Variants in CDC42BPB observed in about 807,000 individuals in gnomAD.
CDC42BPB encodes serine/threonine-protein kinase MRCK beta.
CDC42BPB carries 37 observed loss-of-function variants against 214.9 expected under a neutral mutation model. That is an observed-to-expected ratio of 0.17 (90% CI 0.13 to 0.23). CDC42BPB has a LOEUF of 0.23. Ranked by LOEUF, CDC42BPB falls within the 10% of genes least tolerant of loss-of-function variation. The probability of loss-of-function intolerance (pLI) is 1.00; values close to 1 mark genes in which losing one functional copy is unlikely to be tolerated. For synonymous variants in CDC42BPB, 931 were observed against 884.0 expected (o/e 1.05, Z -0.94); for missense variants, 1,694 against 2,227.0 (o/e 0.76, Z 4.82).
At chr14:103,030,979 CCT>C (rs1887337113) in intron 1 of CDC42BPB, among the ~76,000 whole-genome samples, 1 of 151,964 alleles carries the variant, frequency 6.6e-6, no homozygotes, top group Non-Finnish European at 1.5e-5. Context: ...ACGGTGGCAC[CCT>C]GTCTCTACAC....
At chr14:103,055,191 G>A (rs1168029674) in intron 1 of CDC42BPB, among the ~76,000 whole-genome samples, 3 of 152,244 alleles carry the variant, frequency 2.0e-5, no homozygotes, top group African/African-American at 7.2e-5. Context: ...GGGAGGCCGA[G>A]GCAGGTGGAT....
At position 103,057,298 on chromosome 14, in the gene CDC42BPB, C is replaced by A. The variant is rs560384191; in HGVS notation, c.-125G>T. 183 of 1,073,556 alleles carry A rather than the reference C, an allele frequency of 1.7e-4. 2 individuals carry two copies. The East Asian group carries it at 8.9e-3, about 52-fold the overall frequency. 66.5% of individuals were successfully genotyped at this position (1,073,556 alleles called of 1,614,324 possible). A position where few individuals can be genotyped will look rare whatever the true frequency, so the allele number is the denominator to read the frequency against. On this transcript the variant is annotated 5_prime_UTR_variant, in exon 1 of 37. Coordinates refer to ENST00000361246, the MANE Select transcript of CDC42BPB (RefSeq NM_006035.4). ...CAGCAGCGGCGCCTCCTCGCCGCCC[C>A]GTCCGCGTCGTCGCGCCCCGGCCTA...
At chr14:103,029,147 T>C (rs1887207277) in intron 1 of CDC42BPB, among the ~76,000 whole-genome samples, 1 of 152,262 alleles carries the variant, frequency 6.6e-6, no homozygotes, top group Non-Finnish European at 1.5e-5. Flanking sequence ...TTACCTTATT[T>C]AGACATTGAC....
At chr14:102,982,787 G>C (rs2139523462) in intron 7 of CDC42BPB, among the ~76,000 whole-genome samples, 1 of 151,980 alleles carries the variant, frequency 6.6e-6, no homozygotes, top group East Asian at 1.9e-4. Context: ...AGACAGGCAG[G>C]AGAATCGCTT....
In CDC42BPB at chr14:102,933,564, A is replaced by G. The variant is rs900497486; in HGVS notation, c.*148T>C. ...GAACAATGCGGCATAAAACTGATCA[A>G]TATTATAATAAAGATTTGTCTTCTT... On this transcript the variant is annotated 3_prime_UTR_variant, in exon 37 of 37. Transcript: ENST00000361246. The G allele has an allele frequency of 2.8e-5, 18 of 638,964 alleles. No homozygotes were observed. Among genetic ancestry groups the G allele is most frequent in the Admixed American group, 4.3e-5 (1 of 23,362 alleles). The allele number at this position is 638,964 out of a possible 1,614,324, so 39.6% of individuals were successfully genotyped here. A position where few individuals can be genotyped will look rare whatever the true frequency, so the allele number is the denominator to read the frequency against.
In CDC42BPB at chr14:102,933,760, C is replaced by T. The variant is rs1891502067; in HGVS notation, c.5088G>A (p.Arg1696=). 2.0e-6 allele frequency: 3 copies of T among 1,499,166 alleles called. No individual in the cohort carries two copies. The South Asian group carries it at 4.2e-5, about 21-fold the overall frequency. 92.9% of individuals were successfully genotyped at this position (1,499,166 alleles called of 1,614,324 possible). A position where few individuals can be genotyped will look rare whatever the true frequency, so the allele number is the denominator to read the frequency against. The change falls in exon 37 of 37, where the codon AGG becomes AGA. Residue 1696 remains arginine (R), a synonymous_variant. Transcript: ENST00000361246. ...CCAGGCCTTCGAGGGGGAGCTGGCT[C>T]CTGTGGGGGGAGTTGGGGCTCGGTG... The part of the protein sequence containing the change: ...SGPPSPNSPH[R]SQLPLEGLEQ...
chr14:103,001,431 G>A lies in CDC42BPB; in HGVS notation c.448-1718C>T, dbSNP rs1003553189. On this transcript the variant is annotated intron_variant, in intron 4 of 36. Coordinates refer to ENST00000361246, the MANE Select transcript of CDC42BPB (RefSeq NM_006035.4). The surrounding 1 kb of genome is among the most constrained non-coding windows in gnomAD (Gnocchi z 5.8). ...TGGTGAGGTGCCCAGGCCAGAGGTTGCCAAGCAGAGGCCTGAGGGGAGCCG... is the reference window on the plus strand; with the variant it reads ...TGGTGAGGTGCCCAGGCCAGAGGTTACCAAGCAGAGGCCTGAGGGGAGCCG... Among the ~76,000 whole-genome samples, 16 of 152,304 alleles carry A rather than the reference G, an allele frequency of 1.1e-4. No individual in the cohort carries two copies. The highest frequency in any genetic ancestry group is 3.6e-4 in the African/African-American group (15 of 41,578).
rs758844492 is a variant in CDC42BPB, at chr14:102,966,394, G to T, written c.2472-7C>A. The T allele has an allele frequency of 1.9e-6, 3 of 1,612,870 alleles. No homozygotes were observed. In the African/African-American group the frequency reaches 4.0e-5, roughly 22 times the overall value. On this transcript the variant is annotated splice_polypyrimidine_tract_variant and splice_region_variant and intron_variant, in intron 17 of 36. Transcript: ENST00000361246. ...ATCTTTCTCGTCACTGACCCTGGAG[G>T]AGGGAACAGATGTTCTATCTCACGA... is the stretch of plus-strand genomic sequence containing the variant.
intron 8 of CDC42BPB, among the ~76,000 whole-genome samples, chr14:102,980,018 T>A (rs28545450): frequency 0.012 from 1,780 of 152,296 alleles, 42 homozygotes; most frequent in African/African-American, 0.041. Context: ...CGCTGTAATG[T>A]TAGAAAGATT....
chr14:103,057,289 T>C lies in CDC42BPB; in HGVS notation c.-116A>G, dbSNP rs1889041937. On this transcript the variant is annotated 5_prime_UTR_variant, in exon 1 of 37. Transcript: ENST00000361246. ...GAGCCCCGGCAGCAGCGGCGCCTCC[T>C]CGCCGCCCCGTCCGCGTCGTCGCGC... 1.8e-6 allele frequency: 2 copies of C among 1,102,022 alleles called. No individual in the cohort carries two copies. Among genetic ancestry groups the C allele is most frequent in the Non-Finnish European group, 2.2e-6 (2 of 906,576 alleles). 68.3% of individuals were successfully genotyped at this position (1,102,022 alleles called of 1,614,324 possible). A position where few individuals can be genotyped will look rare whatever the true frequency, so the allele number is the denominator to read the frequency against.
intron 1 of CDC42BPB, among the ~76,000 whole-genome samples, chr14:103,013,437 A>C (rs1886270297): frequency 1.3e-5 from 2 of 152,238 alleles, no homozygotes; most frequent in Admixed American, 1.3e-4. Context: ...GAGAAAACTC[A>C]GCCAGGTTTC....
At chr14:103,012,302 A>G (rs1886202689) in intron 1 of CDC42BPB, 114 bp from the exon 2 acceptor site, 2 of 1,468,054 alleles carry the variant, frequency 1.4e-6, no homozygotes, top group Non-Finnish European at 1.8e-6. Flanking sequence ...TTGTTTGAAA[A>G]TATTTAATAT....
At chr14:103,045,752 C>T (rs1261252400) in intron 1 of CDC42BPB, among the ~76,000 whole-genome samples, 1 of 152,154 alleles carries the variant, frequency 6.6e-6, no homozygotes, top group East Asian at 1.9e-4. Flanking sequence ...ACTCTGACTT[C>T]GTGCAGAGTT....
chr14:102,938,467 T>G, intron 34 of CDC42BPB, 56 bp from the exon 35 acceptor site: 1 of 1,504,714 alleles, frequency 6.6e-7, no homozygotes, highest in Non-Finnish European at 8.8e-7. Flanking sequence ...CAGGGCCGGC[T>G]GCGAAGTTTG....
In CDC42BPB at chr14:102,996,181, T is replaced by C. The variant is rs34781435; in HGVS notation, c.596+3384A>G. ...GGTGAAACCCCATCTCTACTAAAAA[T>C]ACAAAAAAATTAGCTGGGCGTGGTG... On this transcript the variant is annotated intron_variant, in intron 5 of 36. Coordinates refer to ENST00000361246, the MANE Select transcript of CDC42BPB (RefSeq NM_006035.4). 9.8e-3 allele frequency among the ~76,000 whole-genome samples: 1,477 copies of C among 151,396 alleles called. 9 individuals carry two copies. The highest frequency in any genetic ancestry group is 0.016 in the Non-Finnish European group (1,094 of 67,844).
intron 1 of CDC42BPB, among the ~76,000 whole-genome samples, chr14:103,050,889 C>G (rs550471033): frequency 1.3e-5 from 2 of 152,246 alleles, no homozygotes; most frequent in East Asian, 3.9e-4. Flanking sequence ...CAAAGACTCT[C>G]CAATCCAAGG....
rs202016085 is a variant in CDC42BPB, at chr14:102,939,944, G to T, written c.4595C>A (p.Ala1532Glu). ...GGAGGTGTCCGGCACGTTGAGAACC[G>T]CTCCTGCAGAAGCAGAGCGCGCGGT... ...LIYFKSKFSGAVLNVPDTSDN... is the reference protein window; with the variant it reads ...LIYFKSKFSGEVLNVPDTSDN... Residue 1532 changes from alanine to glutamate, a missense_variant, in exon 33 of 37, where the codon GCG becomes GAG. Physicochemically the swap from Ala to Glu is moderately radical, Grantham distance 107. Transcript: ENST00000361246. 5.6e-6 allele frequency: 9 copies of T among 1,613,876 alleles called. No individual in the cohort carries two copies. The highest frequency in any genetic ancestry group is 3.3e-4 in the Middle Eastern group (2 of 6,062).
At chr14:102,946,791 G>C in intron 27 of CDC42BPB, 107 bp from the exon 28 acceptor site, 1 of 1,487,128 alleles carries the variant, frequency 6.7e-7, no homozygotes, top group Admixed American at 2.2e-5. Context: ...AACGGGGGCT[G>C]ATGTGCTTCC....
At position 102,983,583 on chromosome 14, in the gene CDC42BPB, C is replaced by T. The variant is rs1595493427; in HGVS notation, c.864G>A (p.Glu288=). The T allele has an allele frequency of 4.4e-6, 7 of 1,608,058 alleles. No homozygotes were observed. Among genetic ancestry groups the T allele is most frequent in the South Asian group, 1.1e-5 (1 of 91,060 alleles). The change falls in exon 7 of 37, where the codon GAG becomes GAA. Residue 288 remains glutamate, a synonymous_variant. Transcript: ENST00000361246. ...CATGGTTCATGATCTTCCCATAGGTCTCCACGAGTGACTCCGCATAAAACG... is the reference window on the plus strand; with the variant it reads ...CATGGTTCATGATCTTCCCATAGGTTTCCACGAGTGACTCCGCATAAAACG... The part of the protein sequence containing the change: ...ETPFYAESLV[E]TYGKIMNHEE...
Sources: allele counts gnomAD v4.1 joint callset (sites outside exome capture counted in the v4.1 genomes callset), GRCh38; gene constraint gnomAD v4.1.1; non-coding constraint Gnocchi (gnomAD v3.1); transcripts MANE v1.5; gene names NCBI Gene and HGNC (gene_info 2026-07-23, HGNC 2026-07-21).